NIPAL1: variants seen among roughly 807,000 people sequenced by gnomAD.
NIPAL1 encodes the protein NIPA like domain containing 1, also known as magnesium transporter NIPA3.
Under a neutral mutation model 37.7 loss-of-function variants are expected in NIPAL1, and 35 were observed. That is an observed-to-expected ratio of 0.93 (90% CI 0.71 to 1.23). The LOEUF (loss-of-function observed/expected upper bound fraction) is 1.23. NIPAL1 is among the 50% of genes most tolerant of loss of function. The pLI is 0.00. For synonymous variants in NIPAL1, 162 were observed against 183.0 expected (o/e 0.89, Z 0.93); for missense variants, 412 against 473.9 (o/e 0.87, Z 1.21).
intron 5 of NIPAL1, 141 bp downstream of exon 5, chr4:48,035,182 T>A: frequency 1.4e-6 from 1 of 723,648 alleles, no homozygotes; most frequent in East Asian, 2.7e-5. Flanking sequence ...GGTTTGATTA[T>A]TATTTCTCCT....
Position 48,036,284 on chromosome 4 carries a change from AT to A in NIPAL1, c.*115del. ...GTTAGCATTTTTGCAGTTCTAACTAATTTAGATGTGAGGCCAAGTAAAAATG... is the reference window on the plus strand; with the variant it reads ...GTTAGCATTTTTGCAGTTCTAACTAATTAGATGTGAGGCCAAGTAAAAATG... On this transcript the variant is annotated 3_prime_UTR_variant, in exon 6 of 6. Transcript: ENST00000295461. 9.7e-7 allele frequency: 1 copy of A among 1,028,444 alleles called. No homozygotes were observed. Among genetic ancestry groups the A allele is most frequent in the Non-Finnish European group, 1.4e-6 (1 of 713,998 alleles). The allele number at this position is 1,028,444 out of a possible 1,614,324, so 63.7% of individuals were successfully genotyped here.
Position 48,035,696 on chromosome 4 carries a change from T to C in NIPAL1, c.757T>C (p.Ser253Pro). 1.2e-6 allele frequency: 2 copies of C among 1,614,094 alleles called. No homozygotes were observed. The highest frequency in any genetic ancestry group is 1.7e-6 in the Non-Finnish European group (2 of 1,180,010). The change falls in exon 6 of 6, where the codon TCT becomes CCT. Residue 253 changes from serine to proline, a missense_variant. Physicochemically the swap from Ser to Pro is moderately conservative, Grantham distance 74. Coordinates refer to ENST00000295461, the MANE Select transcript of NIPAL1 (RefSeq NM_207330.3). ...CSLIGAFSVS[S>P]VKGLGIAIKE... ...CTTGATTGGAGCGTTTTCAGTTTCT[T>C]CTGTGAAAGGCCTGGGAATTGCCAT...
In NIPAL1 at chr4:48,035,809, G is replaced by A. The variant is rs1715915384; in HGVS notation, c.870G>A (p.Gln290=). Residue 290 remains glutamine (Q), a synonymous_variant, in exon 6 of 6, where the codon CAG becomes CAA. Transcript: ENST00000295461. ...TACTTGTGCTTTCAGTAACTACACAGATTAACTATCTCAACAAGGCACTGG... is the reference window on the plus strand; with the variant it reads ...TACTTGTGCTTTCAGTAACTACACAAATTAACTATCTCAACAAGGCACTGG... ...LAVLVLSVTT[Q]INYLNKALDT... 6.2e-7 allele frequency: 1 copy of A among 1,614,182 alleles called. No individual in the cohort carries two copies.
In NIPAL1 at chr4:48,039,386, G is replaced by T. The variant is rs1230027327; in HGVS notation, c.*3214G>T. On this transcript the variant is annotated 3_prime_UTR_variant, in exon 6 of 6. Transcript: ENST00000295461. ...AAATAGGAAGATATTTTCTAAGGAAGAATAAAATGCTGGACCCCTATATTC... is the reference window on the plus strand; with the variant it reads ...AAATAGGAAGATATTTTCTAAGGAATAATAAAATGCTGGACCCCTATATTC... 6.6e-6 allele frequency: 1 copy of T among 151,924 alleles called. No individual in the cohort carries two copies. Among genetic ancestry groups the T allele is most frequent in the South Asian group, 2.1e-4 (1 of 4,792 alleles). 9.4% of individuals were successfully genotyped at this position (151,924 alleles called of 1,614,324 possible). A position where few individuals can be genotyped will look rare whatever the true frequency, so the allele number is the denominator to read the frequency against.
chr4:48,036,313 A>G lies in NIPAL1; in HGVS notation c.*141A>G, dbSNP rs952315373. On this transcript the variant is annotated 3_prime_UTR_variant, in exon 6 of 6. Transcript: ENST00000295461. The stretch of plus-strand genomic sequence containing the variant: ...AGATGTGAGGCCAAGTAAAAATGCC[A>G]TTTTTTTGGCCATTGAATTTGAAAA... 4.9e-5 allele frequency: 35 copies of G among 713,320 alleles called. No homozygotes were observed. The African/African-American group carries it at 6.1e-4, about 12-fold the overall frequency. 44.2% of individuals were successfully genotyped at this position (713,320 alleles called of 1,614,324 possible). A position where few individuals can be genotyped will look rare whatever the true frequency, so the allele number is the denominator to read the frequency against.
chr4:48,016,910 G>A (rs1260842225), intron 1 of NIPAL1, 25 bp downstream of exon 1: 1 of 1,586,656 alleles, frequency 6.3e-7, no homozygotes, highest in Non-Finnish European at 8.6e-7. Context: ...TGAGCCGAGG[G>A]ACCTGGCAGC....
chr4:48,029,910 C>T (rs1217227496), intron 2 of NIPAL1, among the ~76,000 whole-genome samples: 2 of 151,992 alleles, frequency 1.3e-5, no homozygotes, highest in African/African-American at 4.8e-5. Context: ...GCAATTAATC[C>T]ATTAGGGGAT....
At position 48,021,485 on chromosome 4, in the gene NIPAL1, T is replaced by A. The variant is rs1715566479; in HGVS notation, c.47-3583T>A. Among the ~76,000 whole-genome samples, 4 of 152,266 alleles carry A rather than the reference T, an allele frequency of 2.6e-5. No homozygotes were observed. In the South Asian group the frequency reaches 8.3e-4, roughly 32 times the overall value. ...ACATATGAAACTACTTGTCATAGGGTTCAAATTGTTCAGTTATCATCAATT... is the reference window on the plus strand; with the variant it reads ...ACATATGAAACTACTTGTCATAGGGATCAAATTGTTCAGTTATCATCAATT... On this transcript the variant is annotated intron_variant, in intron 1 of 5. Transcript: ENST00000295461.
At chr4:48,016,990 C>A in intron 1 of NIPAL1, 105 bp downstream of exon 1, 1 of 921,808 alleles carries the variant, frequency 1.1e-6, no homozygotes, top group Non-Finnish European at 1.6e-6. Flanking sequence ...GCTGTACCGA[C>A]TCTAAACGTA....
At position 48,036,331 on chromosome 4, in the gene NIPAL1, T is replaced by A; in HGVS notation, c.*159T>A. ...AAATGCCATTTTTTTGGCCATTGAA[T>A]TTGAAAATCAAATTGATTATCCTCC... On this transcript the variant is annotated 3_prime_UTR_variant, in exon 6 of 6. Coordinates refer to ENST00000295461, the MANE Select transcript of NIPAL1 (RefSeq NM_207330.3). The A allele has an allele frequency of 1.6e-6, 1 of 616,458 alleles. No homozygotes were observed. The highest frequency in any genetic ancestry group is 2.7e-6 in the Non-Finnish European group (1 of 366,142). 38.2% of individuals were successfully genotyped at this position (616,458 alleles called of 1,614,324 possible). A position where few individuals can be genotyped will look rare whatever the true frequency, so the allele number is the denominator to read the frequency against.
In NIPAL1 at chr4:48,035,636, C is replaced by G. The variant is rs1011084746; in HGVS notation, c.697C>G (p.Gln233Glu). ...LILIVAPKKG[Q>E]TNILVYISIC... ...TTTGATTGTGGCTCCCAAGAAAGGA[C>G]AGACCAATATATTGGTTTATATTTC... is the stretch of plus-strand genomic sequence containing the variant. Residue 233 changes from glutamine (Q) to glutamate (E), a missense_variant, in exon 6 of 6, where the codon CAG becomes GAG. Coordinates refer to ENST00000295461, the MANE Select transcript of NIPAL1 (RefSeq NM_207330.3). The G allele has an allele frequency of 5.6e-6, 9 of 1,613,268 alleles. No homozygotes were observed. In the African/African-American group the frequency reaches 1.1e-4, roughly 19 times the overall value.
chr4:48,033,485 A>C lies in NIPAL1; in HGVS notation c.461+402A>C, dbSNP rs78431042. Among the ~76,000 whole-genome samples the C allele has an allele frequency of 1.2e-4, 18 of 152,328 alleles. No individual in the cohort carries two copies. The East Asian group carries it at 2.9e-3, about 24-fold the overall frequency. ...GCAATGAAGCATAGAAGATTTTTTA[A>C]ATCTCTCATCAGAACAAATTGCCAG... On this transcript the variant is annotated intron_variant, in intron 4 of 5. Transcript: ENST00000295461.
Position 48,025,078 on chromosome 4 carries a change from G to T in NIPAL1, c.57G>T (p.Leu19=), listed in dbSNP as rs1347390461. The T allele has an allele frequency of 4.3e-6, 7 of 1,613,608 alleles. No individual in the cohort carries two copies. Among genetic ancestry groups the T allele is most frequent in the Non-Finnish European group, 5.1e-6 (6 of 1,179,676 alleles). ...TTTCCTTTTTTCCAGGATATGTGCT[G>T]TCTCTGGTCTGTCCAAACTCCTCCC... ...PGEPCREGYV[L]SLVCPNSSQA... Residue 19 remains leucine (L), a synonymous_variant, in exon 2 of 6, where the codon CTG becomes CTT. Transcript: ENST00000295461.
In NIPAL1 at chr4:48,034,959, G is replaced by T. The variant is rs757076134; in HGVS notation, c.540G>T (p.Gly180=). The part of the protein sequence containing the change: ...GKIGCILSIL[G]STVMVIHAPQ... ...TAGGCTGCATATTAAGTATATTGGG[G>T]TCAACTGTGATGGTTATCCATGCCC... Residue 180 remains glycine (G), a synonymous_variant, in exon 5 of 6, where the codon GGG becomes GGT. Transcript: ENST00000295461. 21 of 1,612,616 alleles carry T rather than the reference G, an allele frequency of 1.3e-5. No individual in the cohort carries two copies. The highest frequency in any genetic ancestry group is 1.7e-5 in the Non-Finnish European group (20 of 1,178,634).
rs763721255 is a variant in NIPAL1, at chr4:48,016,905, C to T, written c.46+20C>T. On this transcript the variant is annotated intron_variant, in intron 1 of 5. Transcript: ENST00000295461. ...GAGAAGGTTTGTGTCTGCCCTGAGC[C>T]GAGGGACCTGGCAGCTGGGTGGCGA... 69 of 1,590,610 alleles carry T rather than the reference C, an allele frequency of 4.3e-5. No individual in the cohort carries two copies. In the East Asian group the frequency reaches 1.5e-3, roughly 34 times the overall value.
chr4:48,026,524 A>G (rs1351606398), intron 2 of NIPAL1, among the ~76,000 whole-genome samples: 1 of 152,338 alleles, frequency 6.6e-6, no homozygotes, highest in South Asian at 2.1e-4. Flanking sequence ...TTTAAAACTT[A>G]TAAGTGGACC....
rs371646385 is a variant in NIPAL1 at position 48,035,986 on chromosome 4, T to C, written c.1047T>C (p.Ile349=). 14 of 1,613,590 alleles carry C rather than the reference T, an allele frequency of 8.7e-6. No homozygotes were observed. The change falls in exon 6 of 6, where the codon ATT becomes ATC. Residue 349 remains isoleucine (I), a synonymous_variant. Coordinates refer to ENST00000295461, the MANE Select transcript of NIPAL1 (RefSeq NM_207330.3). ...TGAGTGGATTCTTCACTATTATCAT[T>C]GGCATCTTCCTTCTACATGCTTTTA... ...GTLSGFFTII[I]GIFLLHAFKN... is the part of the protein sequence containing the mutation.
intron 5 of NIPAL1, 87 bp downstream of exon 5, chr4:48,035,128 C>A: frequency 1.8e-6 from 2 of 1,128,842 alleles, no homozygotes; most frequent in Non-Finnish European, 2.6e-6. Context: ...TTGTAATAAG[C>A]TTTCTACATT....
intron 1 of NIPAL1, among the ~76,000 whole-genome samples, chr4:48,024,284 CT>C (rs1560322618): frequency 6.6e-6 from 1 of 151,412 alleles, no homozygotes; most frequent in Non-Finnish European, 1.5e-5. Flanking sequence ...TTTCTTTTTT[CT>C]TTTTTTCTTT....
Sources: allele counts gnomAD v4.1 joint callset (sites outside exome capture counted in the v4.1 genomes callset), GRCh38; gene constraint gnomAD v4.1.1; transcripts MANE v1.5; gene names NCBI Gene and HGNC (gene_info 2026-07-23, HGNC 2026-07-21).